RBFOX1: variants seen among roughly 807,000 people sequenced by gnomAD.
The protein encoded by RBFOX1 is RNA binding fox-1 homolog 1, also known as RNA binding protein fox-1 homolog 1.
Under a neutral mutation model 57.7 loss-of-function variants are expected in RBFOX1, and 8 were observed. The observed-to-expected ratio is 0.14, with a 90% confidence interval of 0.08 to 0.25. The LOEUF (loss-of-function observed/expected upper bound fraction) is 0.25. Among genes scored for constraint, RBFOX1 ranks in the 10% least tolerant of loss-of-function variants. RBFOX1 has a pLI of 1.00. For missense variants in RBFOX1, 611 were observed against 548.5 expected (o/e 1.11, Z -1.14); for synonymous variants, 326 against 222.4 (o/e 1.47, Z -4.15).
intron 3 of RBFOX1, among the ~76,000 whole-genome samples, chr16:5,607,529 A>G (rs1248446303): frequency 2.0e-5 from 3 of 152,126 alleles, no homozygotes; most frequent in Non-Finnish European, 4.4e-5. Context: ...GACGGGTTTC[A>G]ATGTTGGCAT....
chr16:6,496,282 T>C (rs761164321), intron 2 of RBFOX1, among the ~76,000 whole-genome samples: 1 of 152,188 alleles, frequency 6.6e-6, no homozygotes, highest in Non-Finnish European at 1.5e-5. Flanking sequence ...GAAATGGTGG[T>C]GTGACCTAAT....
chr16:6,365,373 T>G (rs758549552), intron 2 of RBFOX1, among the ~76,000 whole-genome samples: 4 of 151,364 alleles, frequency 2.6e-5, no homozygotes, highest in Non-Finnish European at 5.9e-5. Flanking sequence ...GATGAGTGGA[T>G]GGGTGGATAG....
intron 3 of RBFOX1, among the ~76,000 whole-genome samples, chr16:5,737,356 G>A (rs2052614567): frequency 6.6e-6 from 1 of 151,976 alleles, no homozygotes; most frequent in South Asian, 2.1e-4. Context: ...GTGGTGGCGT[G>A]TGCCTGTAGT....
chr16:5,963,307 G>T (rs925378978), intron 4 of RBFOX1, among the ~76,000 whole-genome samples: 7 of 152,154 alleles, frequency 4.6e-5, no homozygotes, highest in Non-Finnish European at 1.0e-4. Context: ...AGGTGATAGA[G>T]CAGTTATCAT....
At chr16:7,362,654 A>C (rs1044039885) in intron 4 of RBFOX1, among the ~76,000 whole-genome samples, 2 of 148,866 alleles carry the variant, frequency 1.3e-5, no homozygotes, top group Non-Finnish European at 3.0e-5. Flanking sequence ...TAGTATGTGT[A>C]TGTTTTTTAT....
At chr16:7,140,187 T>TCTCTCTCC (rs2073342448) in intron 4 of RBFOX1, among the ~76,000 whole-genome samples, 1 of 144,912 alleles carries the variant, frequency 6.9e-6, no homozygotes, top group South Asian at 2.3e-4. Flanking sequence ...TCTCTCTCTC[T>TCTCTCTCC]CTCTCTCCCT....
chr16:6,804,614 G>T (rs1021698159), intron 3 of RBFOX1, among the ~76,000 whole-genome samples: 2 of 152,150 alleles, frequency 1.3e-5, no homozygotes, highest in African/African-American at 4.8e-5. Flanking sequence ...GTTTCACAAT[G>T]TGTTCTTTCA....
intron 2 of RBFOX1, among the ~76,000 whole-genome samples, chr16:6,437,916 G>C (rs1468168049): frequency 6.6e-6 from 1 of 152,098 alleles, no homozygotes; most frequent in Non-Finnish European, 1.5e-5. Flanking sequence ...CATGTGATTT[G>C]GGTGGGGACA....
At chr16:7,521,057 C>T (rs140196386) in intron 5 of RBFOX1, among the ~76,000 whole-genome samples, 2 of 151,316 alleles carry the variant, frequency 1.3e-5, no homozygotes, top group Non-Finnish European at 2.9e-5. Context: ...ATATGGGTAC[C>T]GTAGGAAAAT....
chr16:7,057,914 A>C (rs1051864800), intron 4 of RBFOX1, among the ~76,000 whole-genome samples: 1 of 150,180 alleles, frequency 6.7e-6, no homozygotes, highest in Non-Finnish European at 1.5e-5. Flanking sequence ...AGGCTGAGGC[A>C]GGAGAATTGC....
chr16:6,899,068 T>G (rs1313993579), intron 3 of RBFOX1, among the ~76,000 whole-genome samples: 1 of 144,364 alleles, frequency 6.9e-6, no homozygotes, highest in Non-Finnish European at 1.5e-5. Context: ...AATACATGTA[T>G]TACACACATG....
chr16:5,386,568 C>T (rs750531009), intron 1 of RBFOX1, among the ~76,000 whole-genome samples: 2 of 152,196 alleles, frequency 1.3e-5, no homozygotes, highest in Non-Finnish European at 1.5e-5. Flanking sequence ...GGCCATCTCA[C>T]TGCAGCCCCA....
chr16:5,485,148 C>G lies in RBFOX1; in HGVS notation c.258+17894C>G, dbSNP rs1597254627. On this transcript the variant is annotated intron_variant, in intron 2 of 2. Coordinates refer to the RBFOX1 transcript ENST00000585867. ...GATGACGAGGTCAGAAGATCAAGAC[C>G]GTCCTGGCTAACATGGAGAAACCCC... Among the ~76,000 whole-genome samples the G allele has an allele frequency of 2.0e-5, 3 of 151,842 alleles. 1 individual carries two copies. In the South Asian group the frequency reaches 6.3e-4, roughly 32 times the overall value.
chr16:6,025,499 G>A (rs1032347777), intron 1 of RBFOX1, among the ~76,000 whole-genome samples: 4 of 152,198 alleles, frequency 2.6e-5, no homozygotes, highest in Non-Finnish European at 5.9e-5. Context: ...GCAACATCAT[G>A]TGTTCTTGTG....
chr16:7,259,297 A>G (rs187425503), intron 4 of RBFOX1, among the ~76,000 whole-genome samples: 3 of 152,318 alleles, frequency 2.0e-5, no homozygotes, highest in Non-Finnish European at 4.4e-5. Context: ...CTTAAACCCT[A>G]TGGAAACACC....
chr16:6,425,908 C>G lies in RBFOX1; in HGVS notation c.-64+108851C>G, dbSNP rs145222221. Among the ~76,000 whole-genome samples the G allele has an allele frequency of 7.9e-3, 1,207 of 152,228 alleles. 8 individuals are homozygous for G. The highest frequency in any genetic ancestry group is 0.014 in the Non-Finnish European group (928 of 68,014). On this transcript the variant is annotated intron_variant, in intron 2 of 15. Transcript: ENST00000550418. ...AATTCCGTGGTATTTAGTACATTAG[C>G]TTCCCAAAAAGAATCCCATGCCTAT...
intron 1 of RBFOX1, among the ~76,000 whole-genome samples, chr16:6,215,423 G>A: frequency 6.8e-6 from 1 of 146,256 alleles, no homozygotes; most frequent in South Asian, 2.2e-4. Flanking sequence ...AGGAGGAGAG[G>A]GAGAGGGACA....
chr16:7,211,900 C>T (rs759979948), intron 4 of RBFOX1, among the ~76,000 whole-genome samples: 12 of 152,126 alleles, frequency 7.9e-5, no homozygotes, highest in African/African-American at 1.7e-4. Context: ...ATGTGCTGGT[C>T]GGGGGAAGCC....
At chr16:7,057,819 C>G (rs750533861) in intron 4 of RBFOX1, among the ~76,000 whole-genome samples, 1 of 152,046 alleles carries the variant, frequency 6.6e-6, no homozygotes, top group South Asian at 2.1e-4. Flanking sequence ...ACTAGCCTAG[C>G]CAACATGGTG....
Sources: allele counts gnomAD v4.1 joint callset (sites outside exome capture counted in the v4.1 genomes callset), GRCh38; gene constraint gnomAD v4.1.1; transcripts MANE v1.5; gene names NCBI Gene and HGNC (gene_info 2026-07-23, HGNC 2026-07-21).